The following MAGI2 variants were observed in gnomAD, a reference collection of about 807,000 sequenced individuals.
MAGI2 encodes the protein membrane associated guanylate kinase, WW and PDZ domain containing 2, also known as membrane-associated guanylate kinase, WW and PDZ domain-containing protein 2.
A neutral mutation model predicts 133.3 loss-of-function variants in MAGI2; 35 were observed. The observed-to-expected ratio is 0.26, with a 90% CI of 0.20 to 0.35. MAGI2 has a LOEUF of 0.35. Ranked by LOEUF, MAGI2 falls within the 10% of genes least tolerant of loss-of-function variation. The pLI, the probability that MAGI2 is intolerant of heterozygous loss-of-function variation, is 1.00. For synonymous variants in MAGI2, 729 were observed against 710.6 expected, an observed-to-expected ratio of 1.03 and a Z score of -0.41; for missense variants, 1,636 against 1,863.4, an observed-to-expected ratio of 0.88 and a Z score of 2.25.
chr7:79,112,111 T>C (rs550389877), intron 1 of MAGI2, among the ~76,000 whole-genome samples: 19 of 152,202 alleles, frequency 1.2e-4, no homozygotes, highest in African/African-American at 4.6e-4. Context: ...GATTACAGAT[T>C]GTAGTAACTA....
At chr7:78,226,412 G>A (rs1233218638) in intron 10 of MAGI2, among the ~76,000 whole-genome samples, 3 of 151,974 alleles carry the variant, frequency 2.0e-5, no homozygotes, top group Non-Finnish European at 2.9e-5. Context: ...ACAAAATACA[G>A]GCATTACTCT....
chr7:79,329,466 T>C (rs1473476010), intron 1 of MAGI2, among the ~76,000 whole-genome samples: 10 of 152,238 alleles, frequency 6.6e-5, no homozygotes, highest in Admixed American at 6.5e-4. Context: ...ATTTAAACAT[T>C]GCCAAGGCAA....
chr7:78,618,680 T>C (rs1807371280), intron 3 of MAGI2: 1 of 151,886 alleles, frequency 6.6e-6, no homozygotes, highest in Admixed American at 6.6e-5. Flanking sequence ...TAGAATACTA[T>C]TCAGCCTTTA....
intron 2 of MAGI2, among the ~76,000 whole-genome samples, chr7:78,705,435 G>T (rs1818545891): frequency 1.3e-5 from 2 of 152,230 alleles, no homozygotes; most frequent in South Asian, 2.1e-4. Flanking sequence ...CCAGTCTCAG[G>T]TATTTCTTTA....
intron 2 of MAGI2, among the ~76,000 whole-genome samples, chr7:78,711,670 C>T (rs1585161696): frequency 2.0e-5 from 3 of 152,106 alleles, no homozygotes; most frequent in African/African-American, 7.2e-5. Context: ...TACTGTTGCT[C>T]TGGCATATCT....
At chr7:78,271,018 G>C (rs992793046) in intron 9 of MAGI2, among the ~76,000 whole-genome samples, 3 of 152,140 alleles carry the variant, frequency 2.0e-5, no homozygotes, top group Non-Finnish European at 2.9e-5. Context: ...GGAGTGGTGA[G>C]AGAGGGCATC....
intron 1 of MAGI2, among the ~76,000 whole-genome samples, chr7:79,269,402 C>CTT (rs919389012): frequency 1.3e-5 from 2 of 152,126 alleles, no homozygotes; most frequent in Non-Finnish European, 1.5e-5. Flanking sequence ...GGGTAGAAGA[C>CTT]TGAAATGCCT....
chr7:78,089,404 C>A (rs1583849683), intron 20 of MAGI2, among the ~76,000 whole-genome samples: 1 of 152,150 alleles, frequency 6.6e-6, no homozygotes, highest in East Asian at 1.9e-4. Context: ...GAAGAACAAG[C>A]ACTGGGGTGG....
At chr7:78,038,412 T>G (rs56092007) in intron 21 of MAGI2, among the ~76,000 whole-genome samples, 1 of 28,372 alleles carries the variant, frequency 3.5e-5, no homozygotes, top group Admixed American at 2.7e-4. Context: ...TACTTTTTAA[T>G]TAACTTTAAT....
intron 1 of MAGI2, among the ~76,000 whole-genome samples, chr7:79,213,538 T>C (rs1281397765): frequency 6.6e-6 from 1 of 152,052 alleles, no homozygotes; most frequent in Non-Finnish European, 1.5e-5. Context: ...TTAAGACTTT[T>C]TGGTGGTTAA....
In MAGI2 at chr7:79,028,291, ATGTG is replaced by A. The variant is rs1287860727; in HGVS notation, c.302-21089_302-21086del. Among the ~76,000 whole-genome samples the A allele has an allele frequency of 1.3e-3, 47 of 36,748 alleles. 1 individual carries two copies. Among genetic ancestry groups the A allele is most frequent in the African/African-American group, 4.5e-3 (45 of 9,948 alleles). The allele number at this position is 36,748 out of a possible 152,430, so 24.1% of individuals were successfully genotyped here. ...TATGTATGTATGTATATATATATAT[ATGTG>A]TGTATATATATATATATACACACAT... On this transcript the variant is annotated intron_variant, in intron 1 of 21. Coordinates refer to ENST00000354212, the MANE Select transcript of MAGI2 (RefSeq NM_012301.4).
At chr7:78,081,003 G>A (rs184963636) in intron 20 of MAGI2, among the ~76,000 whole-genome samples, 1 of 152,250 alleles carries the variant, frequency 6.6e-6, no homozygotes, top group Admixed American at 6.5e-5. Flanking sequence ...TCCTTCTAAG[G>A]AAAAGCTTGC....
At chr7:78,770,830 G>T (rs1399350299) in intron 2 of MAGI2, 1 of 152,208 alleles carries the variant, frequency 6.6e-6, no homozygotes, top group East Asian at 1.9e-4. Context: ...GCCAGACCCG[G>T]GTCAGTTTCA....
chr7:78,685,467 T>G (rs1230381666), intron 2 of MAGI2, among the ~76,000 whole-genome samples: 2 of 9,584 alleles, frequency 2.1e-4, no homozygotes, highest in Non-Finnish European at 4.6e-4. Context: ...GTCATTGTCG[T>G]TTTTTTTTTT....
chr7:79,024,981 G>A (rs986778114), intron 1 of MAGI2, among the ~76,000 whole-genome samples: 2 of 152,068 alleles, frequency 1.3e-5, no homozygotes, highest in African/African-American at 4.8e-5. Context: ...TCTACTATTT[G>A]ACCCAGCAAT....
At chr7:79,329,552 C>T (rs756376023) in intron 1 of MAGI2, among the ~76,000 whole-genome samples, 1 of 152,096 alleles carries the variant, frequency 6.6e-6, no homozygotes, top group Non-Finnish European at 1.5e-5. Flanking sequence ...AGAAGCCATC[C>T]GTATTACTTT....
chr7:79,209,764 T>C (rs987663583), intron 1 of MAGI2, among the ~76,000 whole-genome samples: 1 of 152,060 alleles, frequency 6.6e-6, no homozygotes, highest in East Asian at 1.9e-4. Flanking sequence ...GTGCATATTA[T>C]TTTGTGTGTC....
intron 2 of MAGI2, among the ~76,000 whole-genome samples, chr7:78,865,886 A>G (rs1400867563): frequency 6.6e-6 from 1 of 152,214 alleles, no homozygotes; most frequent in Non-Finnish European, 1.5e-5. Context: ...CAAGGACCAT[A>G]TAGGAGCAGT....
chr7:78,649,233 AAAG>A lies in MAGI2; in HGVS notation c.419-21997_419-21995del, dbSNP rs1217142310. 6.5e-3 allele frequency among the ~76,000 whole-genome samples: 536 copies of A among 82,466 alleles called. 25 individuals carry two copies. In the Admixed American group the frequency reaches 0.067, roughly 10 times the overall value. The allele number at this position is 82,466 out of a possible 152,430, so 54.1% of individuals were successfully genotyped here. A position where few individuals can be genotyped will look rare whatever the true frequency, so the allele number is the denominator to read the frequency against. On this transcript the variant is annotated intron_variant, in intron 2 of 21. Coordinates refer to ENST00000354212, the MANE Select transcript of MAGI2 (RefSeq NM_012301.4). ...GGGATGACTTGTGGTAAAAAAAAAA[AAAG>A]AAAAAAAAAGAAAAAAAGTAATGAC...
Sources: allele counts gnomAD v4.1 joint callset (sites outside exome capture counted in the v4.1 genomes callset), GRCh38; gene constraint gnomAD v4.1.1; transcripts MANE v1.5; gene names NCBI Gene and HGNC (gene_info 2026-07-23, HGNC 2026-07-21).